Variants in CREB3L1 observed in about 807,000 individuals in gnomAD.
CREB3L1 encodes the protein cAMP responsive element binding protein 3 like 1.
CREB3L1 carries 33 observed loss-of-function variants against 54.5 expected under a neutral mutation model. The observed-to-expected ratio is 0.61, with a 90% confidence interval of 0.46 to 0.81. The LOEUF (loss-of-function observed/expected upper bound fraction) is 0.81. Among genes scored for constraint, CREB3L1 ranks in the 30% least tolerant of loss-of-function variants. The probability of loss-of-function intolerance (pLI) is 0.00; values close to 1 mark genes in which losing one functional copy is unlikely to be tolerated. For missense variants in CREB3L1, 656 were observed against 673.3 expected, an observed-to-expected ratio of 0.97 and a Z score of 0.29; for synonymous variants, 284 against 286.4, an observed-to-expected ratio of 0.99 and a Z score of 0.08.
intron 2 of CREB3L1, among the ~76,000 whole-genome samples, chr11:46,302,211 A>C (rs1939314427): frequency 7.0e-6 from 1 of 143,854 alleles, no homozygotes; most frequent in Admixed American, 6.9e-5. Flanking sequence ...TAATAATAAT[A>C]ATAATAAGCT....
At chr11:46,308,167 C>G (rs1421717882) in intron 3 of CREB3L1, among the ~76,000 whole-genome samples, 167 bp downstream of exon 3, 1 of 151,350 alleles carries the variant, frequency 6.6e-6, no homozygotes, top group Non-Finnish European at 1.5e-5. Flanking sequence ...CGCCTACCCC[C>G]CTGGCTGCCC....
intron 10 of CREB3L1, among the ~76,000 whole-genome samples, chr11:46,318,228 G>A (rs1213417711): frequency 6.9e-6 from 1 of 144,520 alleles, no homozygotes; most frequent in African/African-American, 2.7e-5. Context: ...AAAAAAAAAA[G>A]AAGGATCCTG....
chr11:46,320,923 C>T lies in CREB3L1; in HGVS notation c.*177C>T, dbSNP rs757571645. 1.6e-5 allele frequency: 12 copies of T among 735,102 alleles called. No individual in the cohort carries two copies. In the South Asian group the frequency reaches 1.8e-4, roughly 11 times the overall value. 45.5% of individuals were successfully genotyped at this position (735,102 alleles called of 1,614,324 possible). Reference sequence around the variant, plus strand: ...CATTTGGACTCTTCCCTTGGGCCGACCACTCTGTTCTCATTCTCCTTCCCA... The same window carrying T: ...CATTTGGACTCTTCCCTTGGGCCGATCACTCTGTTCTCATTCTCCTTCCCA... On this transcript the variant is annotated 3_prime_UTR_variant, in exon 12 of 12. Transcript: ENST00000621158.
chr11:46,301,659 T>A (rs1201167679), intron 2 of CREB3L1, among the ~76,000 whole-genome samples: 1 of 138,256 alleles, frequency 7.2e-6, no homozygotes, highest in African/African-American at 2.8e-5. Flanking sequence ...TGAGACTCCG[T>A]CCCAAAAAAA....
chr11:46,319,303 A>G (rs1373433356), intron 10 of CREB3L1, among the ~76,000 whole-genome samples: 1 of 152,218 alleles, frequency 6.6e-6, no homozygotes, highest in Non-Finnish European at 1.5e-5. Flanking sequence ...CCGGAGGGGC[A>G]GCAGATCCCA....
chr11:46,283,176 G>A lies in CREB3L1; in HGVS notation c.102+4963G>A, dbSNP rs187413911. ...ACTGCACTCCAGCCTGGGCAACAAA[G>A]CCAGACCCTGTCTCTAAAAGTAATA... On this transcript the variant is annotated intron_variant, in intron 1 of 11. Transcript: ENST00000621158. 1.6e-3 allele frequency among the ~76,000 whole-genome samples: 247 copies of A among 152,226 alleles called. 2 individuals carry two copies. The South Asian group carries it at 0.023, about 14-fold the overall frequency.
intron 1 of CREB3L1, among the ~76,000 whole-genome samples, chr11:46,285,491 C>T (rs1228435413): frequency 6.6e-6 from 1 of 152,052 alleles, no homozygotes; most frequent in Admixed American, 6.6e-5. Flanking sequence ...GCAGGAAATG[C>T]CCCAGGACTC....
chr11:46,320,873 C>T lies in CREB3L1; in HGVS notation c.*127C>T, dbSNP rs755056630. On this transcript the variant is annotated 3_prime_UTR_variant, in exon 12 of 12. Coordinates refer to ENST00000621158, the MANE Select transcript of CREB3L1 (RefSeq NM_052854.4). ...TCCCATTCCAGGAGAAAAGGCTCCA[C>T]TTCCCAGCCCTTCCTTGCCCCTGAC... 2.1e-6 allele frequency: 2 copies of T among 959,894 alleles called. No homozygotes were observed. Among genetic ancestry groups the T allele is most frequent in the Non-Finnish European group, 3.3e-6 (2 of 608,322 alleles). 59.5% of individuals were successfully genotyped at this position (959,894 alleles called of 1,614,324 possible).
chr11:46,304,965 A>G (rs867972628), intron 2 of CREB3L1, among the ~76,000 whole-genome samples: 35 of 152,148 alleles, frequency 2.3e-4, no homozygotes, highest in Non-Finnish European at 4.3e-4. Flanking sequence ...GTATTCCTGG[A>G]GCCCATGGGC....
In CREB3L1 at chr11:46,307,972, C is replaced by T. The variant is rs747612049; in HGVS notation, c.488C>T (p.Pro163Leu). Residue 163 changes from proline to leucine, a missense_variant, in exon 3 of 12, where the codon CCC (proline) becomes CTC (leucine). Physicochemically the swap from Pro to Leu is moderately conservative, Grantham distance 98. Transcript: ENST00000621158. ...MATTPLLGLS[P>L]LSRLPIPHQA... ...ACCACCCCGCTGCTGGGCCTCAGCC[C>T]CTTGTCCAGGCTGCCCATCCCCCAC... is the stretch of plus-strand genomic sequence containing the variant. 5.1e-6 allele frequency: 8 copies of T among 1,559,090 alleles called. No individual in the cohort carries two copies. The African/African-American group carries it at 1.1e-4, about 21-fold the overall frequency.
At chr11:46,291,682 C>T (rs1216516185) in intron 1 of CREB3L1, among the ~76,000 whole-genome samples, 1 of 152,166 alleles carries the variant, frequency 6.6e-6, no homozygotes, top group African/African-American at 2.4e-5. Context: ...GGAAGGAAGG[C>T]AGAGACAGCT....
intron 9 of CREB3L1, among the ~76,000 whole-genome samples, chr11:46,316,902 C>T (rs1939574902): frequency 6.6e-6 from 1 of 152,156 alleles, no homozygotes; most frequent in Admixed American, 6.5e-5. Context: ...GACCCTCGAG[C>T]TGTCAGGCAG....
At position 46,321,170 on chromosome 11, in the gene CREB3L1, T is replaced by C. The variant is rs1050068450; in HGVS notation, c.*424T>C. The C allele has an allele frequency of 2.7e-6, 1 of 375,908 alleles. No homozygotes were observed. The highest frequency in any genetic ancestry group is 5.1e-6 in the Non-Finnish European group (1 of 196,468). The allele number at this position is 375,908 out of a possible 1,614,324, so 23.3% of individuals were successfully genotyped here. The stretch of plus-strand genomic sequence containing the variant: ...GAACCTTATTTTTTATTATTGCCAA[T>C]CCCCTAAGATATTGTATTTTACAAA... On this transcript the variant is annotated 3_prime_UTR_variant, in exon 12 of 12. Transcript: ENST00000621158.
intron 1 of CREB3L1, among the ~76,000 whole-genome samples, chr11:46,288,121 T>C (rs1373808136): frequency 1.3e-5 from 2 of 152,168 alleles, no homozygotes; most frequent in Non-Finnish European, 2.9e-5. Flanking sequence ...CTCGCTCTGT[T>C]GCCCAGGCTG....
rs1369270871 is a variant in CREB3L1, at chr11:46,283,424, GT to G, written c.102+5215del. On this transcript the variant is annotated intron_variant, in intron 1 of 11. Transcript: ENST00000621158. ...TTTTACCAGCCCCATAGAGAATGGAGTTTTGCTCACTTTTATTTGAGAAGGG... is the reference window on the plus strand; with the variant it reads ...TTTTACCAGCCCCATAGAGAATGGAGTTTGCTCACTTTTATTTGAGAAGGG... Among the ~76,000 whole-genome samples, 6 of 152,310 alleles carry G rather than the reference GT, an allele frequency of 3.9e-5. 1 individual carries two copies. Among genetic ancestry groups the G allele is most frequent in the African/African-American group, 1.2e-4 (5 of 41,570 alleles).
At chr11:46,318,282 GATA>G (rs1317486605) in intron 10 of CREB3L1, among the ~76,000 whole-genome samples, 1 of 152,140 alleles carries the variant, frequency 6.6e-6, no homozygotes, top group Non-Finnish European at 1.5e-5. Flanking sequence ...ATGATCCACT[GATA>G]ATGTCTACCA....
At chr11:46,305,732 G>GTGTGTGTGTGTGTGTA (rs1480133780) in intron 2 of CREB3L1, among the ~76,000 whole-genome samples, 1 of 118,470 alleles carries the variant, frequency 8.4e-6, no homozygotes, top group African/African-American at 3.7e-5. Flanking sequence ...GTGTGTGTGT[G>GTGTGTGTGTGTGTGTA]TATATATATA....
At chr11:46,315,809 G>A (rs552017347) in intron 8 of CREB3L1, 3 of 171,504 alleles carry the variant, frequency 1.7e-5, no homozygotes, top group Non-Finnish European at 2.5e-5. Flanking sequence ...GTGAAAGAGC[G>A]AGACTCTGTC....
chr11:46,297,692 A>G (rs932093885), intron 1 of CREB3L1, among the ~76,000 whole-genome samples: 1 of 152,232 alleles, frequency 6.6e-6, no homozygotes, highest in Non-Finnish European at 1.5e-5. Flanking sequence ...GATTGCTGGC[A>G]AACTGGGAAG....
Sources: allele counts gnomAD v4.1 joint callset (sites outside exome capture counted in the v4.1 genomes callset), GRCh38; gene constraint gnomAD v4.1.1; transcripts MANE v1.5; gene names NCBI Gene and HGNC (gene_info 2026-07-23, HGNC 2026-07-21).